The following BICC1 variants were observed in gnomAD, a reference collection of about 807,000 sequenced individuals.
BICC1 encodes protein bicaudal C homolog 1.
In BICC1, 43 loss-of-function variants were observed where a neutral mutation model predicts 111.0. The observed-to-expected ratio is 0.39, with a 90% CI of 0.30 to 0.50. BICC1 has a LOEUF of 0.50. Among genes scored for constraint, BICC1 ranks in the 20% least tolerant of loss-of-function variants. BICC1 has a pLI of 0.88. For missense variants in BICC1, 1,091 were observed against 1,203.2 expected (o/e 0.91, Z 1.38); for synonymous variants, 467 against 434.4 (o/e 1.07, Z -0.93).
At chr10:58,626,985 C>T (rs1397167548) in intron 2 of BICC1, among the ~76,000 whole-genome samples, 1 of 151,980 alleles carries the variant, frequency 6.6e-6, no homozygotes, top group African/African-American at 2.4e-5. Context: ...GCCTATAATC[C>T]GATCTACTCG....
chr10:58,606,297 A>C (rs1340589519), intron 1 of BICC1, among the ~76,000 whole-genome samples: 1 of 152,090 alleles, frequency 6.6e-6, no homozygotes, highest in Non-Finnish European at 1.5e-5. Flanking sequence ...TCCAAGTAGT[A>C]GGGAGGTAAT....
At chr10:58,797,699 T>C (rs957706844) in intron 10 of BICC1, among the ~76,000 whole-genome samples, 7 of 152,228 alleles carry the variant, frequency 4.6e-5, no homozygotes, top group African/African-American at 1.7e-4. Context: ...CTTTATGCTT[T>C]ATATGTATTC....
chr10:58,697,674 G>A (rs529099483), intron 2 of BICC1, among the ~76,000 whole-genome samples: 76 of 152,130 alleles, frequency 5.0e-4, no homozygotes, highest in African/African-American at 1.8e-3. Context: ...CCTCTGACTT[G>A]CTTACTGCCC....
At chr10:58,618,888 G>A (rs1588936297) in intron 1 of BICC1, among the ~76,000 whole-genome samples, 1 of 152,258 alleles carries the variant, frequency 6.6e-6, no homozygotes, top group South Asian at 2.1e-4. Context: ...GAGGCCATAG[G>A]GAAAGATAAT....
At chr10:58,823,223 T>C in intron 20 of BICC1, 1 of 985,266 alleles carries the variant, frequency 1.0e-6, no homozygotes, top group Non-Finnish European at 1.2e-6. Flanking sequence ...CCTATTCTTT[T>C]AGTTTGTGAC....
chr10:58,689,297 C>G (rs1390674371), intron 2 of BICC1, among the ~76,000 whole-genome samples: 1 of 152,162 alleles, frequency 6.6e-6, no homozygotes, highest in Non-Finnish European at 1.5e-5. Context: ...CAGAAAGCTT[C>G]ATTCTCAAAA....
chr10:58,613,175 G>A (rs536555371), intron 1 of BICC1, among the ~76,000 whole-genome samples: 1 of 152,188 alleles, frequency 6.6e-6, no homozygotes, highest in Non-Finnish European at 1.5e-5. Context: ...TAGTATTGAA[G>A]TAATTTATTC....
intron 3 of BICC1, among the ~76,000 whole-genome samples, chr10:58,703,591 G>A (rs1339006409): frequency 6.6e-6 from 1 of 152,104 alleles, no homozygotes; most frequent in Non-Finnish European, 1.5e-5. Context: ...TTTCTCAAGT[G>A]GTGTAGAATA....
At chr10:58,696,040 A>G (rs1840055249) in intron 2 of BICC1, among the ~76,000 whole-genome samples, 2 of 152,178 alleles carry the variant, frequency 1.3e-5, no homozygotes, top group African/African-American at 4.8e-5. Context: ...AATTACAAAA[A>G]ATTTGTAATT....
chr10:58,803,179 A>G lies in BICC1; in HGVS notation c.2118A>G (p.Ala706=). Residue 706 remains alanine, a synonymous_variant, in exon 15 of 21, where the codon GCA becomes GCG. Transcript: ENST00000373886. ...PGSERAAERA[A]AAQQNSERAH... ...GTGAGCGCGCTGCAGAGAGGGCAGC[A>G]GCTGCCCAGCAAAACTCCGAAAGGG... 6.2e-7 allele frequency: 1 copy of G among 1,611,142 alleles called. No homozygotes were observed. Among genetic ancestry groups the G allele is most frequent in the Non-Finnish European group, 8.5e-7 (1 of 1,178,512 alleles).
chr10:58,817,838 C>G (rs1844143454), intron 19 of BICC1, 116 bp downstream of exon 19: 2 of 1,066,404 alleles, frequency 1.9e-6, no homozygotes, highest in Non-Finnish European at 2.6e-6. Context: ...TTATTCAAGT[C>G]TCATAGCTTG....
At chr10:58,575,578 G>GTT (rs921922134) in intron 1 of BICC1, among the ~76,000 whole-genome samples, 3 of 234 alleles carry the variant, frequency 0.013, no homozygotes, top group Non-Finnish European at 0.026. Flanking sequence ...GTTTTTTTTT[G>GTT]GTTGTTGTTG....
rs556879339 is a variant in BICC1, at chr10:58,755,298, A to G, written c.308-29703A>G. On this transcript the variant is annotated intron_variant, in intron 3 of 20. Coordinates refer to ENST00000373886, the MANE Select transcript of BICC1 (RefSeq NM_001080512.3). ...TAGCCTGCTTTCTATTTCCTGCGCT[A>G]TTGTTTTGCTTTTGGTCACCTTAGG... is the stretch of plus-strand genomic sequence containing the variant. 9.9e-5 allele frequency among the ~76,000 whole-genome samples: 15 copies of G among 152,170 alleles called. No individual in the cohort carries two copies. In the South Asian group the frequency reaches 2.9e-3, roughly 29 times the overall value.
intron 3 of BICC1, among the ~76,000 whole-genome samples, chr10:58,703,122 C>CTTGAA (rs1373702337): frequency 6.8e-6 from 1 of 147,718 alleles, no homozygotes; most frequent in Non-Finnish European, 1.5e-5. Flanking sequence ...GTTAGCTGGA[C>CTTGAA]TTGAATTGAC....
chr10:58,514,676 CCT>C (rs35464263), intron 1 of BICC1, among the ~76,000 whole-genome samples: 77,073 of 151,612 alleles, frequency 0.51, 20,030 homozygotes, highest in African/African-American at 0.61. Flanking sequence ...TCTCCCCTTC[CCT>C]CTCTTTTTTT....
intron 1 of BICC1, among the ~76,000 whole-genome samples, chr10:58,619,741 A>T (rs981895385): frequency 2.6e-5 from 4 of 152,124 alleles, no homozygotes; most frequent in African/African-American, 9.7e-5. Flanking sequence ...CCAAGTTTTG[A>T]ATCTTTCACT....
intron 3 of BICC1, among the ~76,000 whole-genome samples, chr10:58,708,700 T>G (rs1021666755): frequency 1.8e-5 from 2 of 110,014 alleles, no homozygotes; most frequent in Non-Finnish European, 3.7e-5. Flanking sequence ...GGGTCTCTAC[T>G]TGGCCTGTGC....
intron 2 of BICC1, among the ~76,000 whole-genome samples, chr10:58,684,610 G>A (rs1589017931): frequency 6.6e-6 from 1 of 152,270 alleles, no homozygotes; most frequent in South Asian, 2.1e-4. Flanking sequence ...TTGGGAGGGT[G>A]TATGTGTCAA....
At chr10:58,555,443 T>G in intron 1 of BICC1, among the ~76,000 whole-genome samples, 1 of 151,470 alleles carries the variant, frequency 6.6e-6, no homozygotes, top group East Asian at 1.9e-4. Flanking sequence ...GTGGAAATCT[T>G]AAAAACATCA....
Sources: allele counts gnomAD v4.1 joint callset (sites outside exome capture counted in the v4.1 genomes callset), GRCh38; gene constraint gnomAD v4.1.1; transcripts MANE v1.5; gene names NCBI Gene and HGNC (gene_info 2026-07-23, HGNC 2026-07-21).